Variants in SLC43A2 observed in about 807,000 individuals in gnomAD.
SLC43A2 encodes large neutral amino acids transporter small subunit 4.
Under a neutral mutation model 63.2 loss-of-function variants are expected in SLC43A2, and 38 were observed. The ratio of observed to expected loss-of-function variants is 0.60; its 90% confidence interval spans 0.46 to 0.79. SLC43A2 has a LOEUF of 0.79. Ranked by LOEUF, SLC43A2 falls within the 30% of genes least tolerant of loss-of-function variation. The probability of loss-of-function intolerance (pLI) is 0.00; values close to 1 mark genes in which losing one functional copy is unlikely to be tolerated. For missense variants in SLC43A2, 644 were observed against 756.2 expected (o/e 0.85, Z 1.74); for synonymous variants, 322 against 331.0 (o/e 0.97, Z 0.30).
At chr17:1,619,870 G>A (rs1041915842) in intron 2 of SLC43A2, among the ~76,000 whole-genome samples, 7 of 152,222 alleles carry the variant, frequency 4.6e-5, no homozygotes, top group African/African-American at 1.7e-4. Context: ...GACAGTGACT[G>A]CACAGGGGCC....
chr17:1,584,189 G>A (rs567929540), intron 10 of SLC43A2, among the ~76,000 whole-genome samples: 1 of 152,038 alleles, frequency 6.6e-6, no homozygotes, highest in East Asian at 1.9e-4. Context: ...CACCGCGCCC[G>A]GCCAAGCACC....
At chr17:1,612,598 C>T (rs9910358) in intron 5 of SLC43A2, among the ~76,000 whole-genome samples, 25,906 of 152,286 alleles carry the variant, frequency 0.17, 2,309 homozygotes, top group South Asian at 0.24. Context: ...TGGGCGGCAG[C>T]GTTTTGTCTT....
At chr17:1,590,692 C>T (rs761930276) in intron 9 of SLC43A2, 110 bp downstream of exon 9, 3 of 1,410,740 alleles carry the variant, frequency 2.1e-6, no homozygotes, top group Non-Finnish European at 2.9e-6. Context: ...GGGATGCGGC[C>T]TTTCCATGGC....
At chr17:1,601,756 A>G (rs1016854429) in intron 5 of SLC43A2, among the ~76,000 whole-genome samples, 6 of 150,926 alleles carry the variant, frequency 4.0e-5, no homozygotes, top group African/African-American at 1.5e-4. Context: ...CAAAGGTGCT[A>G]TTGAGCCAGA....
At chr17:1,618,811 C>G (rs1040683539) in intron 2 of SLC43A2, among the ~76,000 whole-genome samples, 1 of 151,974 alleles carries the variant, frequency 6.6e-6, no homozygotes, top group Non-Finnish European at 1.5e-5. Context: ...ATGGTGAAGC[C>G]CCGTCTCTAC....
In SLC43A2 at chr17:1,617,280, T is replaced by C. The variant is rs189916837; in HGVS notation, c.161-511A>G. ...AGCACAAGCACTGGTCTCACCCCAA[T>C]AGCCTGGTTCTCCTCTGTCCATGTG... On this transcript the variant is annotated intron_variant, in intron 2 of 13. Transcript: ENST00000301335. Among the ~76,000 whole-genome samples the C allele has an allele frequency of 6.1e-3, 922 of 152,306 alleles. 8 individuals carry two copies. The highest frequency in any genetic ancestry group is 0.021 in the African/African-American group (875 of 41,568).
intron 6 of SLC43A2, 134 bp from the exon 7 acceptor site, chr17:1,591,833 C>T (rs1159385727): frequency 1.4e-6 from 1 of 700,802 alleles, no homozygotes; most frequent in Non-Finnish European, 2.4e-6. Flanking sequence ...AGGCACAGCC[C>T]TGCCAGCCTG....
At chr17:1,590,228 T>A (rs1176099440) in intron 9 of SLC43A2, among the ~76,000 whole-genome samples, 1 of 151,994 alleles carries the variant, frequency 6.6e-6, no homozygotes. Flanking sequence ...AGACCTGCCC[T>A]GTTTGGAAAA....
rs1263495748 is a variant in SLC43A2, at chr17:1,573,199, AGGC to A, written c.*2402_*2404del. On this transcript the variant is annotated 3_prime_UTR_variant, in exon 14 of 14. Transcript: ENST00000301335. Reference sequence around the variant, plus strand: ...CTCAAAAAAAAAAAAAAAAAAAAAAAGGCGGCCTTTTCCCAGCTGGCAGCACCC... The same window carrying A: ...CTCAAAAAAAAAAAAAAAAAAAAAAAGGCCTTTTCCCAGCTGGCAGCACCC... The A allele has an allele frequency of 6.7e-6, 1 of 150,062 alleles. No individual in the cohort carries two copies. The highest frequency in any genetic ancestry group is 2.5e-5 in the African/African-American group (1 of 40,720). 9.3% of individuals were successfully genotyped at this position (150,062 alleles called of 1,614,324 possible). A position where few individuals can be genotyped will look rare whatever the true frequency, so the allele number is the denominator to read the frequency against.
At chr17:1,588,152 A>C (rs1415327689) in intron 9 of SLC43A2, among the ~76,000 whole-genome samples, 1 of 152,180 alleles carries the variant, frequency 6.6e-6, no homozygotes, top group Non-Finnish European at 1.5e-5. Context: ...TAATCTCAGC[A>C]CTTTGGGAGG....
intron 5 of SLC43A2, among the ~76,000 whole-genome samples, chr17:1,611,051 C>T (rs1050181457): frequency 1.3e-5 from 2 of 152,032 alleles, no homozygotes; most frequent in Non-Finnish European, 2.9e-5. Context: ...TATCTTGGGC[C>T]AGGCTGGTCT....
Position 1,573,906 on chromosome 17 carries a change from C to T in SLC43A2, c.*1698G>A, listed in dbSNP as rs905027109. 3 of 152,248 alleles carry T rather than the reference C, an allele frequency of 2.0e-5. No individual in the cohort carries two copies. Among genetic ancestry groups the T allele is most frequent in the African/African-American group, 4.8e-5 (2 of 41,456 alleles). The allele number at this position is 152,248 out of a possible 1,614,324, so 9.4% of individuals were successfully genotyped here. ...GTGCTGGGATTATAGGCGTGAGCCA[C>T]CACGCCCAGTCTTTTTTTAAATATT... On this transcript the variant is annotated 3_prime_UTR_variant, in exon 14 of 14. Transcript: ENST00000301335.
rs2075857203 is a variant in SLC43A2, at chr17:1,572,261, C to G, written c.*3343G>C. 6.2e-5 allele frequency: 2 copies of G among 32,472 alleles called. No homozygotes were observed. Among genetic ancestry groups the G allele is most frequent in the South Asian group, 2.3e-3 (2 of 872 alleles). The allele number at this position is 32,472 out of a possible 1,614,324, so 2.0% of individuals were successfully genotyped here. On this transcript the variant is annotated 3_prime_UTR_variant, in exon 14 of 14. Transcript: ENST00000301335. Reference sequence around the variant, plus strand: ...GGCTGTGACCCCCCTGCCACAGAGGCCCCCCCCCCGCCACAGAGGTCCCCC... The same window carrying G: ...GGCTGTGACCCCCCTGCCACAGAGGGCCCCCCCCCGCCACAGAGGTCCCCC...
upstream of SLC43A2, among the ~76,000 whole-genome samples, chr17:1,629,539 G>A (rs1156975710): frequency 6.6e-6 from 1 of 152,238 alleles, no homozygotes; most frequent in Non-Finnish European, 1.5e-5. Flanking sequence ...AAATCTGCAA[G>A]GGGATTTGGG....
intron 5 of SLC43A2, among the ~76,000 whole-genome samples, chr17:1,602,918 C>A (rs1398469400): frequency 6.6e-6 from 1 of 151,588 alleles, no homozygotes; most frequent in African/African-American, 2.4e-5. Flanking sequence ...GCCACCACAC[C>A]CGGCTAATTT....
rs146801444 is a variant in SLC43A2, at chr17:1,578,303, G to A, written c.1371C>T (p.His457=). The change falls in exon 12 of 14, where the codon CAC becomes CAT. Residue 457 remains histidine (H), a synonymous_variant. Transcript: ENST00000301335. The surrounding 1 kb of genome is among the most constrained non-coding windows in gnomAD (Gnocchi z 6.5). The stretch of plus-strand genomic sequence containing the variant: ...AGTGGATGAATCCTCGCACGATTGT[G>A]TGCAGGATGAAGGAGAGGATCTGGG... ...LPLQILSFIL[H]TIVRGFIHSA... 5 of 1,613,874 alleles carry A rather than the reference G, an allele frequency of 3.1e-6. No individual in the cohort carries two copies. Among genetic ancestry groups the A allele is most frequent in the South Asian group, 1.1e-5 (1 of 91,078 alleles).
intron 11 of SLC43A2, among the ~76,000 whole-genome samples, chr17:1,581,256 T>C (rs2076009430): frequency 6.8e-6 from 1 of 146,172 alleles, no homozygotes; most frequent in African/African-American, 2.6e-5. Context: ...TCAAATGCCT[T>C]GTTGCCTTTT....
intron 4 of SLC43A2, among the ~76,000 whole-genome samples, chr17:1,614,051 G>C (rs573655469): frequency 1.3e-4 from 20 of 152,236 alleles, no homozygotes; most frequent in African/African-American, 4.3e-4. Flanking sequence ...AGACCATCCT[G>C]GTTAACACAG....
chr17:1,613,325 G>T (rs1907299569), intron 4 of SLC43A2, 54 bp from the exon 5 acceptor site: 1 of 1,550,260 alleles, frequency 6.5e-7, no homozygotes, highest in Non-Finnish European at 8.9e-7. Context: ...CTCCAGGGAA[G>T]CCGGGACCAG....
Sources: allele counts gnomAD v4.1 joint callset (sites outside exome capture counted in the v4.1 genomes callset), GRCh38; gene constraint gnomAD v4.1.1; non-coding constraint Gnocchi (gnomAD v3.1); transcripts MANE v1.5; gene names NCBI Gene and HGNC (gene_info 2026-07-23, HGNC 2026-07-21).